KCND3: variants seen among roughly 807,000 people sequenced by gnomAD.
The protein encoded by KCND3 is A-type voltage-gated potassium channel KCND3.
A neutral mutation model predicts 51.1 loss-of-function variants in KCND3; 9 were observed. The observed-to-expected ratio is 0.18, with a 90% CI of 0.11 to 0.31. The LOEUF (loss-of-function observed/expected upper bound fraction) is 0.31, where lower values mean the gene tolerates loss of function less well. Among genes scored for constraint, KCND3 ranks in the 10% least tolerant of loss-of-function variants. The pLI is 1.00. For missense variants in KCND3, 526 were observed against 903.8 expected, an observed-to-expected ratio of 0.58 and a Z score of 5.36; for synonymous variants, 349 against 368.0, an observed-to-expected ratio of 0.95 and a Z score of 0.59.
chr1:111,907,569 C>T (rs1467017383), intron 2 of KCND3, among the ~76,000 whole-genome samples: 2 of 152,214 alleles, frequency 1.3e-5, no homozygotes, highest in South Asian at 2.1e-4. Flanking sequence ...CGTGAGGGTT[C>T]TTAAGCCAGA....
intron 2 of KCND3, among the ~76,000 whole-genome samples, chr1:111,857,587 C>T (rs1668137877): frequency 6.6e-6 from 1 of 152,022 alleles, no homozygotes; most frequent in South Asian, 2.1e-4. Flanking sequence ...ATGCCTCTGA[C>T]AACCGCTTGG....
At position 111,927,374 on chromosome 1, in the gene KCND3, T is replaced by C. The variant is rs142117077; in HGVS notation, c.1106+54247A>G. Reference sequence around the variant, plus strand: ...CCCATAGGTGGAGGAGGGCACATCATTTTCTCATCCACTTTTGGAGACCCC... The same window carrying C: ...CCCATAGGTGGAGGAGGGCACATCACTTTCTCATCCACTTTTGGAGACCCC... On this transcript the variant is annotated intron_variant, in intron 2 of 7. Transcript: ENST00000302127. Among the ~76,000 whole-genome samples the C allele has an allele frequency of 1.6e-4, 25 of 152,346 alleles. No individual in the cohort carries two copies. The East Asian group carries it at 4.8e-3, about 29-fold the overall frequency.
At chr1:111,812,368 A>G (rs1665893036) in intron 2 of KCND3, among the ~76,000 whole-genome samples, 1 of 152,234 alleles carries the variant, frequency 6.6e-6, no homozygotes, top group Non-Finnish European at 1.5e-5. Context: ...TGGGCACCCA[A>G]TGCTACCAAA....
chr1:111,965,067 C>A (rs773416801), intron 2 of KCND3, among the ~76,000 whole-genome samples: 9 of 151,478 alleles, frequency 5.9e-5, no homozygotes, highest in South Asian at 2.1e-4. Flanking sequence ...CTGCACCCCC[C>A]CAAACTGCCC....
intron 2 of KCND3, among the ~76,000 whole-genome samples, chr1:111,952,732 C>T (rs1284473379): frequency 6.6e-6 from 1 of 152,134 alleles, no homozygotes; most frequent in Non-Finnish European, 1.5e-5. Context: ...TATGAGAGAA[C>T]CCAAAACTCC....
chr1:111,923,911 G>A (rs1671586059), intron 2 of KCND3, among the ~76,000 whole-genome samples: 1 of 152,176 alleles, frequency 6.6e-6, no homozygotes, highest in Non-Finnish European at 1.5e-5. Context: ...CCATGCAGAG[G>A]GGGCTGGGCA....
chr1:111,789,643 C>T (rs573245043), intron 2 of KCND3, among the ~76,000 whole-genome samples: 2 of 152,338 alleles, frequency 1.3e-5, no homozygotes, highest in South Asian at 4.1e-4. Context: ...GGCTTGGTAT[C>T]TGTAAATTGT....
intron 2 of KCND3, among the ~76,000 whole-genome samples, chr1:111,816,215 G>A (rs1175803752): frequency 6.6e-6 from 1 of 152,234 alleles, no homozygotes; most frequent in Non-Finnish European, 1.5e-5. Flanking sequence ...CTTGGGAAGG[G>A]GTGGGGTCCG....
intron 1 of KCND3, among the ~76,000 whole-genome samples, chr1:111,986,239 C>T (rs1276646877): frequency 1.3e-5 from 2 of 152,214 alleles, no homozygotes; most frequent in Admixed American, 6.5e-5. Context: ...CACTTTTACA[C>T]ACAACATTTA....
intron 2 of KCND3, among the ~76,000 whole-genome samples, chr1:111,846,406 C>T (rs1667550007): frequency 6.6e-6 from 1 of 150,512 alleles, no homozygotes; most frequent in Non-Finnish European, 1.5e-5. Flanking sequence ...CCTCTGTACA[C>T]CCATGACACT....
intron 2 of KCND3, among the ~76,000 whole-genome samples, chr1:111,852,602 C>T (rs1667871921): frequency 6.6e-6 from 1 of 152,160 alleles, no homozygotes; most frequent in South Asian, 2.1e-4. Flanking sequence ...TGCAGCTGCA[C>T]TGGGTTAATT....
intron 2 of KCND3, among the ~76,000 whole-genome samples, chr1:111,884,266 A>T (rs892276532): frequency 1.3e-5 from 2 of 152,152 alleles, no homozygotes; most frequent in Non-Finnish European, 2.9e-5. Flanking sequence ...TCTTCTACAC[A>T]GGTATAGGTG....
intron 2 of KCND3, among the ~76,000 whole-genome samples, chr1:111,882,522 G>C (rs1290200476): frequency 1.3e-5 from 2 of 152,200 alleles, no homozygotes; most frequent in Non-Finnish European, 2.9e-5. Flanking sequence ...TGCTTTGGGG[G>C]TGTGTGTGAA....
At chr1:111,830,675 T>C (rs371322156) in intron 2 of KCND3, among the ~76,000 whole-genome samples, 1 of 152,228 alleles carries the variant, frequency 6.6e-6, no homozygotes, top group African/African-American at 2.4e-5. Flanking sequence ...CAGATGCAGA[T>C]GTGAGAATCC....
chr1:111,905,749 C>G (rs1401928161), intron 2 of KCND3, among the ~76,000 whole-genome samples: 2 of 152,306 alleles, frequency 1.3e-5, no homozygotes, highest in South Asian at 4.1e-4. Context: ...AGCAGGGCAT[C>G]AGAATCACCT....
At chr1:111,888,940 T>C (rs1292053929) in intron 2 of KCND3, among the ~76,000 whole-genome samples, 1 of 152,164 alleles carries the variant, frequency 6.6e-6, no homozygotes, top group African/African-American at 2.4e-5. Flanking sequence ...GCTTATCCTC[T>C]TGGCACTCAC....
intron 1 of KCND3, among the ~76,000 whole-genome samples, chr1:111,987,836 A>G (rs542922127): frequency 6.6e-6 from 1 of 152,172 alleles, no homozygotes; most frequent in South Asian, 2.1e-4. Context: ...AGAGTTTGAC[A>G]GTGGGAAAGA....
intron 1 of KCND3, among the ~76,000 whole-genome samples, chr1:111,988,395 A>C (rs1675410462): frequency 6.6e-6 from 1 of 152,170 alleles, no homozygotes; most frequent in Admixed American, 6.5e-5. Context: ...CCTCAAGAGC[A>C]AAAGGGAACA....
At chr1:111,791,321 G>A (rs1448139624) in intron 2 of KCND3, among the ~76,000 whole-genome samples, 1 of 152,130 alleles carries the variant, frequency 6.6e-6, no homozygotes, top group Admixed American at 6.5e-5. Context: ...GGACTTTTAC[G>A]TTAGGGACCA....
Sources: gnomAD v4.1 joint callset for allele counts (sites outside exome capture counted in the v4.1 genomes callset) on GRCh38, gnomAD v4.1.1 for gene constraint, MANE v1.5 for transcripts, NCBI Gene and HGNC (gene_info 2026-07-23, HGNC 2026-07-21) for gene names.